DNAJC13: variants seen among roughly 807,000 people sequenced by gnomAD.
DNAJC13 encodes the protein dnaJ homolog subfamily C member 13.
Under a neutral mutation model 290.5 loss-of-function variants are expected in DNAJC13, and 75 were observed. The observed-to-expected ratio is 0.26, with a 90% confidence interval of 0.21 to 0.31. The LOEUF (loss-of-function observed/expected upper bound fraction) is 0.31. DNAJC13 is among the 10% of genes least tolerant of loss of function. The pLI is 1.00. For missense variants in DNAJC13, 2,260 were observed against 2,674.5 expected (o/e 0.85, Z 3.42); for synonymous variants, 862 against 892.0 (o/e 0.97, Z 0.60).
chr3:132,470,547 T>C (rs1934169605), intron 20 of DNAJC13, among the ~76,000 whole-genome samples: 3 of 133,254 alleles, frequency 2.3e-5, no homozygotes, highest in East Asian at 4.8e-4. Flanking sequence ...GGCTCCTCAC[T>C]TCCCAGTAGG....
At chr3:132,459,400 T>C (rs957529491) in intron 13 of DNAJC13, among the ~76,000 whole-genome samples, 1 of 152,080 alleles carries the variant, frequency 6.6e-6, no homozygotes, top group Non-Finnish European at 1.5e-5. Context: ...AGTAGAATGG[T>C]GGTTGCCAGG....
At chr3:132,424,834 G>T (rs1017202074) in intron 1 of DNAJC13, among the ~76,000 whole-genome samples, 1 of 151,902 alleles carries the variant, frequency 6.6e-6, no homozygotes, top group African/African-American at 2.4e-5. Flanking sequence ...ATTCCTGTTG[G>T]TATCATACAT....
chr3:132,499,924 C>G (rs1378978705), intron 38 of DNAJC13, 116 bp downstream of exon 38: 3 of 885,420 alleles, frequency 3.4e-6, no homozygotes, highest in Admixed American at 4.5e-5. Flanking sequence ...AGCTCCACCC[C>G]ACCCCAAGTT....
intron 51 of DNAJC13, among the ~76,000 whole-genome samples, chr3:132,525,297 G>A (rs1038562558): frequency 2.0e-4 from 30 of 152,088 alleles, no homozygotes; most frequent in African/African-American, 5.6e-4. Context: ...CCGAGATCGC[G>A]CCATTGCACT....
At chr3:132,451,588 G>A (rs528232923) in intron 6 of DNAJC13, among the ~76,000 whole-genome samples, 9 of 152,088 alleles carry the variant, frequency 5.9e-5, no homozygotes, top group South Asian at 2.1e-4. Context: ...AAAGATGTGC[G>A]GTAGAGAAAG....
chr3:132,499,073 C>G, intron 36 of DNAJC13, 53 bp from the exon 37 acceptor site: 1 of 1,447,552 alleles, frequency 6.9e-7, no homozygotes, highest in Non-Finnish European at 9.4e-7. Context: ...ATTGAAACCA[C>G]AACATAATCA....
intron 33 of DNAJC13, 74 bp from the exon 34 acceptor site, chr3:132,494,070 A>G (rs796594651): frequency 2.9e-6 from 3 of 1,036,118 alleles, no homozygotes; most frequent in African/African-American, 3.3e-5. Flanking sequence ...ATACAGCACA[A>G]TAATTCTATA....
At position 132,445,266 on chromosome 3, in the gene DNAJC13, G is replaced by A. The variant is rs190613425; in HGVS notation, c.69-1209G>A. On this transcript the variant is annotated intron_variant, in intron 2 of 55. Coordinates refer to ENST00000260818, the MANE Select transcript of DNAJC13 (RefSeq NM_015268.4). ...CATTTTTGATAATTAAAAAAATCTC[G>A]TATTAAAATACAACTAGATATTTCA... Among the ~76,000 whole-genome samples the A allele has an allele frequency of 3.3e-3, 499 of 151,764 alleles. 1 individual carries two copies. The highest frequency in any genetic ancestry group is 0.011 in the African/African-American group (447 of 41,416).
intron 45 of DNAJC13, 129 bp from the exon 46 acceptor site, chr3:132,514,442 A>G: frequency 1.7e-6 from 1 of 598,866 alleles, no homozygotes; most frequent in Non-Finnish European, 2.8e-6. Context: ...TTAAAATTAA[A>G]CTCTTATCTA....
At chr3:132,444,644 A>C (rs556944324) in intron 2 of DNAJC13, among the ~76,000 whole-genome samples, 2 of 152,336 alleles carry the variant, frequency 1.3e-5, no homozygotes, top group South Asian at 4.1e-4. Context: ...TGATTTTGAA[A>C]AATAGTTTGT....
chr3:132,532,903 A>G (rs62293981), intron 55 of DNAJC13, among the ~76,000 whole-genome samples: 13,777 of 81,106 alleles, frequency 0.17, 792 homozygotes, highest in East Asian at 0.35. Context: ...ACACCCAGCT[A>G]ATTTTTGTAA....
rs549363718 is a variant in DNAJC13, at chr3:132,427,866, G to A, written c.-13-6672G>A. 2.0e-3 allele frequency among the ~76,000 whole-genome samples: 308 copies of A among 152,222 alleles called. 2 individuals carry two copies. Among genetic ancestry groups the A allele is most frequent in the African/African-American group, 7.0e-3 (291 of 41,520 alleles). On this transcript the variant is annotated intron_variant, in intron 1 of 55. Transcript: ENST00000260818. ...GGACAGTTATTCCTATTTTATAGAC[G>A]TACTATAATTCAGATAAATTCAGAA...
chr3:132,471,108 G>A (rs1934227171), intron 20 of DNAJC13, among the ~76,000 whole-genome samples: 1 of 134,110 alleles, frequency 7.5e-6, no homozygotes, highest in Non-Finnish European at 1.7e-5. Context: ...GGCTGGCCGG[G>A]TGGGGGGGCT....
At chr3:132,479,634 A>G (rs116756585) in intron 25 of DNAJC13, among the ~76,000 whole-genome samples, 20 of 152,284 alleles carry the variant, frequency 1.3e-4, no homozygotes, top group African/African-American at 3.8e-4. Flanking sequence ...TATATGCTTG[A>G]CATAAAATGG....
At position 132,528,192 on chromosome 3, in the gene DNAJC13, C is replaced by T. The variant is rs2107750705; in HGVS notation, c.6385C>T (p.Leu2129=). The change falls in exon 54 of 56, where the codon CTG becomes TTG. Residue 2129 remains leucine, a synonymous_variant. Coordinates refer to ENST00000260818, the MANE Select transcript of DNAJC13 (RefSeq NM_015268.4). The part of the protein sequence containing the change: ...KEQSELVAQA[L]KADLVPYLLK... ...ATATGCTTAATATTTCTTCTAGGCC[C>T]TGAAAGCAGATTTGGTTCCATACCT... 1 of 1,613,902 alleles carries T rather than the reference C, an allele frequency of 6.2e-7. No individual in the cohort carries two copies. Among genetic ancestry groups the T allele is most frequent in the African/African-American group, 1.3e-5 (1 of 75,002 alleles).
chr3:132,536,007 A>G (rs1189465040), intron 55 of DNAJC13, among the ~76,000 whole-genome samples: 1 of 152,162 alleles, frequency 6.6e-6, no homozygotes, highest in African/African-American at 2.4e-5. Context: ...TCTTCCTTCT[A>G]AGCCCATCAT....
In DNAJC13 at chr3:132,512,989, T is replaced by C; in HGVS notation, c.5294-19T>C. 1 of 1,598,408 alleles carries C rather than the reference T, an allele frequency of 6.3e-7. No homozygotes were observed. Among genetic ancestry groups the C allele is most frequent in the Non-Finnish European group, 8.6e-7 (1 of 1,166,174 alleles). Reference sequence around the variant, plus strand: ...TCAAACATCTCCTGGAAGTAAACCATTTTATTCTTATTCTCTAGGTTCTGA... The same window carrying C: ...TCAAACATCTCCTGGAAGTAAACCACTTTATTCTTATTCTCTAGGTTCTGA... On this transcript the variant is annotated intron_variant, in intron 44 of 55. Transcript: ENST00000260818.
At chr3:132,465,082 T>C (rs1402209019) in intron 17 of DNAJC13, among the ~76,000 whole-genome samples, 1 of 152,202 alleles carries the variant, frequency 6.6e-6, no homozygotes, top group Non-Finnish European at 1.5e-5. Context: ...TGAAGGAAAT[T>C]ACAAGTTTAA....
intron 26 of DNAJC13, among the ~76,000 whole-genome samples, chr3:132,481,134 C>T (rs886455212): frequency 2.0e-5 from 3 of 152,134 alleles, no homozygotes; most frequent in African/African-American, 7.2e-5. Flanking sequence ...GGCTATCTTG[C>T]CCAAGGTCAC....
Sources: gnomAD v4.1 joint callset for allele counts (sites outside exome capture counted in the v4.1 genomes callset) on GRCh38, gnomAD v4.1.1 for gene constraint, MANE v1.5 for transcripts, NCBI Gene and HGNC (gene_info 2026-07-23, HGNC 2026-07-21) for gene names.